The following KANK1 variants were observed in gnomAD, a reference collection of about 807,000 sequenced individuals.
KANK1 encodes KN motif and ankyrin repeat domains 1.
A neutral mutation model predicts 106.2 loss-of-function variants in KANK1; 109 were observed. That is an observed-to-expected ratio of 1.03 (90% CI 0.88 to 1.20). The LOEUF is 1.20. Ranked by LOEUF, KANK1 falls within the 50% of genes most tolerant of loss-of-function variation. The pLI, the probability that KANK1 is intolerant of heterozygous loss-of-function variation, is 0.00. For missense variants in KANK1, 2,399 were observed against 1,710.7 expected (o/e 1.40, Z -7.10); for synonymous variants, 873 against 652.2 (o/e 1.34, Z -5.16).
In KANK1 at chr9:745,750, A is replaced by G. The variant is rs1313148271; in HGVS notation, c.*515A>G. On this transcript the variant is annotated 3_prime_UTR_variant, in exon 12 of 12. Transcript: ENST00000382297. ...CTGGGCCAGACAAAGTATAAAACTT[A>G]CAAAAGAATATTCTCATTTGGTCTT... is the stretch of plus-strand genomic sequence containing the variant. The G allele has an allele frequency of 6.5e-6, 1 of 152,722 alleles. No individual in the cohort carries two copies. Among genetic ancestry groups the G allele is most frequent in the African/African-American group, 2.4e-5 (1 of 41,482 alleles). 9.5% of individuals were successfully genotyped at this position (152,722 alleles called of 1,614,324 possible). A position where few individuals can be genotyped will look rare whatever the true frequency, so the allele number is the denominator to read the frequency against.
chr9:641,645 G>C (rs548881193), intron 1 of KANK1, among the ~76,000 whole-genome samples: 184 of 152,226 alleles, frequency 1.2e-3, no homozygotes, highest in Non-Finnish European at 2.0e-3. Context: ...TGTTGATGGA[G>C]GAATGATTCA....
chr9:597,853 A>G (rs748506554), intron 1 of KANK1, among the ~76,000 whole-genome samples: 6 of 151,258 alleles, frequency 4.0e-5, no homozygotes, highest in African/African-American at 1.5e-4. Flanking sequence ...TTTAGTAGAG[A>G]TGGGGTTTCA....
chr9:497,695 T>A (rs1264867591), intron 3 of KANK1, among the ~76,000 whole-genome samples: 1 of 151,872 alleles, frequency 6.6e-6, no homozygotes, highest in African/African-American at 2.4e-5. Flanking sequence ...TGACAAAAAA[T>A]ACAAAAAATT....
At chr9:551,547 A>C (rs2061282173) in intron 1 of KANK1, among the ~76,000 whole-genome samples, 1 of 152,150 alleles carries the variant, frequency 6.6e-6, no homozygotes, top group South Asian at 2.1e-4. Context: ...AACTCTGTGA[A>C]GTTAGCTGGT....
chr9:509,398 C>A (rs989872870), intron 1 of KANK1, among the ~76,000 whole-genome samples: 3 of 152,148 alleles, frequency 2.0e-5, no homozygotes, highest in Non-Finnish European at 4.4e-5. Context: ...CCCAATATGA[C>A]CTATATTTAC....
intron 2 of KANK1, among the ~76,000 whole-genome samples, chr9:702,218 G>A (rs1589032971): frequency 2.2e-5 from 2 of 92,634 alleles, no homozygotes; most frequent in African/African-American, 8.2e-5. Context: ...TGGTGTCTAG[G>A]AGTGAGTTGG....
At chr9:481,053 A>G (rs1324730409) in intron 3 of KANK1, among the ~76,000 whole-genome samples, 3 of 152,238 alleles carry the variant, frequency 2.0e-5, no homozygotes, top group Non-Finnish European at 4.4e-5. Flanking sequence ...TGCTCAGAAC[A>G]CTTACATGAG....
chr9:499,178 A>T, intron 3 of KANK1, among the ~76,000 whole-genome samples: 1 of 133,198 alleles, frequency 7.5e-6, no homozygotes, highest in African/African-American at 3.1e-5. Flanking sequence ...ACTCTGTCTC[A>T]AAAAAAAAAA....
At chr9:562,958 T>C (rs1040935380) in intron 1 of KANK1, among the ~76,000 whole-genome samples, 3 of 152,206 alleles carry the variant, frequency 2.0e-5, no homozygotes, top group African/African-American at 7.2e-5. Flanking sequence ...TTCTCATCTT[T>C]GTGGAGTAAG....
intron 1 of KANK1, among the ~76,000 whole-genome samples, chr9:578,622 G>T (rs978579135): frequency 6.6e-5 from 10 of 152,066 alleles, no homozygotes; most frequent in African/African-American, 2.2e-4. Context: ...TAAACAGCTA[G>T]ATTTATGCAC....
chr9:740,490 C>T (rs895588498), intron 8 of KANK1, among the ~76,000 whole-genome samples: 23 of 152,208 alleles, frequency 1.5e-4, no homozygotes, highest in African/African-American at 5.3e-4. Context: ...TCAAGAGCAA[C>T]CAGTAGAACA....
intron 8 of KANK1, among the ~76,000 whole-genome samples, chr9:740,307 G>A (rs1226216819): frequency 6.6e-6 from 1 of 152,120 alleles, no homozygotes; most frequent in African/African-American, 2.4e-5. Context: ...CCCCCGACAG[G>A]CCAGAGTAGT....
intron 1 of KANK1, among the ~76,000 whole-genome samples, chr9:601,597 T>C (rs1176111156): frequency 6.6e-6 from 1 of 151,934 alleles, no homozygotes; most frequent in Non-Finnish European, 1.5e-5. Flanking sequence ...TCAGTTTCCC[T>C]TATTGCTAGT....
At chr9:725,420 G>C (rs1424026623) in intron 3 of KANK1, among the ~76,000 whole-genome samples, 2 of 150,964 alleles carry the variant, frequency 1.3e-5, no homozygotes, top group Non-Finnish European at 2.9e-5. Flanking sequence ...TTGAACCCGG[G>C]AGGCGGAGGT....
At chr9:614,084 C>G (rs1215107696) in intron 1 of KANK1, among the ~76,000 whole-genome samples, 1 of 152,176 alleles carries the variant, frequency 6.6e-6, no homozygotes, top group Non-Finnish European at 1.5e-5. Context: ...GTGCTCAGTT[C>G]TTGGTCATGC....
intron 1 of KANK1, among the ~76,000 whole-genome samples, chr9:526,661 CAGT>C (rs1445118713): frequency 6.6e-6 from 1 of 151,848 alleles, no homozygotes; most frequent in African/African-American, 2.4e-5. Context: ...TCCATGAAAA[CAGT>C]AGCTTTCTGC....
At chr9:733,316 T>TA (rs149522620) in intron 6 of KANK1, 2 of 152,368 alleles carry the variant, frequency 1.3e-5, no homozygotes, top group East Asian at 1.9e-4. Context: ...TCAGAAAACT[T>TA]ACCTCTATTT....
At chr9:604,392 GTCC>G (rs1380011315) in intron 1 of KANK1, among the ~76,000 whole-genome samples, 1 of 151,664 alleles carries the variant, frequency 6.6e-6, no homozygotes, top group Non-Finnish European at 1.5e-5. Flanking sequence ...ACCCCATGCT[GTCC>G]TCCTGATAGC....
intron 1 of KANK1, among the ~76,000 whole-genome samples, chr9:583,738 A>T (rs1162865908): frequency 6.6e-6 from 1 of 151,182 alleles, no homozygotes; most frequent in Non-Finnish European, 1.5e-5. Context: ...TACTTCCTTT[A>T]TTAATATCCT....
Sources: allele counts gnomAD v4.1 joint callset (sites outside exome capture counted in the v4.1 genomes callset), GRCh38; gene constraint gnomAD v4.1.1; transcripts MANE v1.5; gene names NCBI Gene and HGNC (gene_info 2026-07-23, HGNC 2026-07-21).